The following PIGB variants were observed in gnomAD, a reference collection of about 807,000 sequenced individuals.
PIGB encodes the protein GPI alpha-1,2-mannosyltransferase 3.
Under a neutral mutation model 68.4 loss-of-function variants are expected in PIGB, and 58 were observed. That is an observed-to-expected ratio of 0.85 (90% CI 0.69 to 1.06). The LOEUF is 1.06. Among genes scored for constraint, PIGB ranks in the 50% least tolerant of loss-of-function variants. PIGB has a pLI of 0.00. For missense variants in PIGB, 634 were observed against 655.8 expected, an observed-to-expected ratio of 0.97 and a Z score of 0.36; for synonymous variants, 219 against 220.5, an observed-to-expected ratio of 0.99 and a Z score of 0.06.
In PIGB at chr15:55,329,801, C is replaced by T; in HGVS notation, c.600C>T (p.Leu200=). The change falls in exon 5 of 12, where the codon CTC becomes CTT. Residue 200 remains leucine, a synonymous_variant. Transcript: ENST00000164305. Reference sequence around the variant, plus strand: ...TTACAAACACCATGGAAACTGTTCTCACTATAATTGCTCTTTTCTACTATC... The same window carrying T: ...TTACAAACACCATGGAAACTGTTCTTACTATAATTGCTCTTTTCTACTATC... ...RTLTNTMETV[L]TIIALFYYPL... 6.2e-7 allele frequency: 1 copy of T among 1,605,734 alleles called. No homozygotes were observed. Among genetic ancestry groups the T allele is most frequent in the Non-Finnish European group, 8.5e-7 (1 of 1,172,512 alleles).
At position 55,319,373 on chromosome 15, in the gene PIGB, G is replaced by A; in HGVS notation, c.123G>A (p.Leu41=). 2.6e-6 allele frequency: 4 copies of A among 1,555,358 alleles called. No individual in the cohort carries two copies. Among genetic ancestry groups the A allele is most frequent in the Non-Finnish European group, 3.5e-6 (4 of 1,148,838 alleles). Residue 41 remains leucine, a synonymous_variant, in exon 1 of 12, where the codon TTG becomes TTA. Coordinates refer to ENST00000164305, the MANE Select transcript of PIGB (RefSeq NM_004855.5). ...AGCTGCGAAAGAGAAAGTCTACCTT[G>A]TACTTCAACACCCAGGAGAAGAGCG... ...KIKLRKRKST[L]YFNTQEKSAR...
At chr15:55,320,437 C>T in intron 2 of PIGB, 27 bp downstream of exon 2, 1 of 1,604,532 alleles carries the variant, frequency 6.2e-7, no homozygotes, top group Non-Finnish European at 8.5e-7. Context: ...CTTTTCCAGA[C>T]TATGAGTGTG....
At position 55,339,285 on chromosome 15, in the gene PIGB, G is replaced by C. The variant is rs757412186; in HGVS notation, c.813G>C (p.Leu271Phe). The change falls in exon 7 of 12, where the codon TTG becomes TTC. Residue 271 changes from leucine (L) to phenylalanine (F), a missense_variant. By Grantham distance (22) the Leu-to-Phe change is conservative (BLOSUM62 0). Transcript: ENST00000164305. ...TTTTCAGCTTTGTTACTTTGAGTTT[G>C]TCTCTGATGATTGATCGTATTTTTT... ...FLPVGFVTLS[L>F]SLMIDRIFFG... 6.3e-5 allele frequency: 98 copies of C among 1,552,550 alleles called. No homozygotes were observed. Among genetic ancestry groups the C allele is most frequent in the Non-Finnish European group, 7.6e-5 (87 of 1,147,356 alleles).
Position 55,327,581 on chromosome 15 carries a change from G to C in PIGB, c.468G>C (p.Val156=). 1 of 1,612,376 alleles carries C rather than the reference G, an allele frequency of 6.2e-7. No individual in the cohort carries two copies. The highest frequency in any genetic ancestry group is 1.1e-5 in the South Asian group (1 of 90,708). ...CACTTCTGTCTGCTGTAGCAGATGT[G>C]AGACTTTACTCATTAATGAAGCAAC... is the stretch of plus-strand genomic sequence containing the variant. ...AQALLSAVAD[V]RLYSLMKQLE... is the part of the protein sequence containing the mutation. Residue 156 remains valine, a synonymous_variant, in exon 4 of 12, where the codon GTG becomes GTC. Coordinates refer to ENST00000164305, the MANE Select transcript of PIGB (RefSeq NM_004855.5).
At chr15:55,336,227 T>A (rs1261811322) in intron 6 of PIGB, among the ~76,000 whole-genome samples, 1 of 151,578 alleles carries the variant, frequency 6.6e-6, no homozygotes, top group Non-Finnish European at 1.5e-5. Context: ...ACAAAAAAAT[T>A]TAAAAATTGG....
At chr15:55,340,935 T>A in intron 8 of PIGB, 112 bp downstream of exon 8, 1 of 668,424 alleles carries the variant, frequency 1.5e-6, no homozygotes, top group South Asian at 2.1e-5. Context: ...CTTTTGTTAG[T>A]GGGAATTATC....
chr15:55,334,005 A>T lies in PIGB; in HGVS notation c.792A>T (p.Val264=). ...LDLILHHFLP[V]GFVTLSLSLM... ...TTATTCTACATCATTTTTTACCTGT[A>T]GGGTAAGTGTGGCAATAATCCATCC... Residue 264 remains valine, a splice_region_variant and synonymous_variant, in exon 6 of 12, where the codon GTA becomes GTT. Coordinates refer to ENST00000164305, the MANE Select transcript of PIGB (RefSeq NM_004855.5). 6.9e-6 allele frequency: 11 copies of T among 1,590,748 alleles called. No homozygotes were observed. The highest frequency in any genetic ancestry group is 9.4e-6 in the Non-Finnish European group (11 of 1,168,720).
At chr15:55,340,041 C>T (rs1464162708) in intron 7 of PIGB, 1 of 152,020 alleles carries the variant, frequency 6.6e-6, no homozygotes, top group Non-Finnish European at 1.5e-5. Context: ...CTTAGACTGC[C>T]AAAATATAAG....
intron 3 of PIGB, among the ~76,000 whole-genome samples, chr15:55,326,677 T>C (rs2055294024): frequency 6.6e-6 from 1 of 151,676 alleles, no homozygotes; most frequent in African/African-American, 2.4e-5. Context: ...CCATGCTGGC[T>C]AACATTGTGA....
At position 55,340,782 on chromosome 15, in the gene PIGB, G is replaced by C. The variant is rs770319195; in HGVS notation, c.1017G>C (p.Arg339=). 5 of 1,610,352 alleles carry C rather than the reference G, an allele frequency of 3.1e-6. No homozygotes were observed. Among genetic ancestry groups the C allele is most frequent in the Non-Finnish European group, 4.2e-6 (5 of 1,178,004 alleles). The part of the protein sequence containing the change: ...HGCYLAPKRY[R]ILLVTVLWTL... ...GCTATCTAGCACCAAAGAGATACCGGATACTTTTGGTGACTGTGCTGTGGA... is the reference window on the plus strand; with the variant it reads ...GCTATCTAGCACCAAAGAGATACCGCATACTTTTGGTGACTGTGCTGTGGA... Residue 339 remains arginine, a synonymous_variant, in exon 8 of 12, where the codon CGG becomes CGC. Coordinates refer to ENST00000164305, the MANE Select transcript of PIGB (RefSeq NM_004855.5).
chr15:55,340,900 C>CTT, intron 8 of PIGB, 77 bp downstream of exon 8: 3 of 1,008,006 alleles, frequency 3.0e-6, no homozygotes, highest in Non-Finnish European at 4.3e-6. Context: ...AAAAAGTAAA[C>CTT]TTTATGTTTT....
At position 55,346,084 on chromosome 15, in the gene PIGB, G is replaced by A. The variant is rs555158024; in HGVS notation, c.1123+4282G>A. 2.2e-4 allele frequency among the ~76,000 whole-genome samples: 33 copies of A among 152,206 alleles called. 1 individual carries two copies. In the East Asian group the frequency reaches 3.7e-3, roughly 17 times the overall value. ...AGATACTCCCATCCTCTCTATTACC[G>A]TGAACCTTACCTTGGTAAGAAGGAA... On this transcript the variant is annotated intron_variant, in intron 9 of 11. Coordinates refer to ENST00000164305, the MANE Select transcript of PIGB (RefSeq NM_004855.5).
At chr15:55,321,136 G>A (rs754528817) in intron 2 of PIGB, 137 bp from the exon 3 acceptor site, 2 of 520,816 alleles carry the variant, frequency 3.8e-6, no homozygotes, top group Non-Finnish European at 6.5e-6. Context: ...GAAGTGGTGT[G>A]CACCTGTAGA....
At position 55,350,682 on chromosome 15, in the gene PIGB, T is replaced by A; in HGVS notation, c.1124-17T>A. 6.6e-7 allele frequency: 1 copy of A among 1,521,180 alleles called. No homozygotes were observed. Among genetic ancestry groups the A allele is most frequent in the Non-Finnish European group, 9.1e-7 (1 of 1,100,722 alleles). 94.2% of individuals were successfully genotyped at this position (1,521,180 alleles called of 1,614,324 possible). On this transcript the variant is annotated splice_polypyrimidine_tract_variant and intron_variant, in intron 9 of 11. Coordinates refer to ENST00000164305, the MANE Select transcript of PIGB (RefSeq NM_004855.5). The stretch of plus-strand genomic sequence containing the variant: ...AGATTGTCAGTGTTAAGGTTCAATA[T>A]GTCTATCTTCATATAGGATACTCAT...
intron 9 of PIGB, among the ~76,000 whole-genome samples, chr15:55,344,323 G>C (rs2055741584): frequency 6.6e-6 from 1 of 152,226 alleles, no homozygotes; most frequent in Non-Finnish European, 1.5e-5. Flanking sequence ...CAGCTCTTCT[G>C]AGTTTTCTCT....
In PIGB at chr15:55,333,811, A is replaced by G. The variant is rs2055476263; in HGVS notation, c.654-56A>G. On this transcript the variant is annotated intron_variant, in intron 5 of 11. Transcript: ENST00000164305. ...AAAATGTCAAATCACAGTGTAAATG[A>G]TAGATAACTTCAAGTTAATTTCCCA... is the stretch of plus-strand genomic sequence containing the variant. The G allele has an allele frequency of 4.7e-6, 6 of 1,284,478 alleles. 1 individual carries two copies. The South Asian group carries it at 9.0e-5, about 19-fold the overall frequency. The allele number at this position is 1,284,478 out of a possible 1,614,324, so 79.6% of individuals were successfully genotyped here.
At chr15:55,321,205 C>T in intron 2 of PIGB, 68 bp from the exon 3 acceptor site, 2 of 1,282,634 alleles carry the variant, frequency 1.6e-6, no homozygotes, top group Non-Finnish European at 2.1e-6. Flanking sequence ...GAGACCCCAT[C>T]TTAAAAAAAA....
intron 6 of PIGB, among the ~76,000 whole-genome samples, chr15:55,335,018 C>A (rs2055502941): frequency 6.6e-6 from 1 of 152,206 alleles, no homozygotes; most frequent in Non-Finnish European, 1.5e-5. Context: ...CATGCCCAGC[C>A]TGTTTAGCTA....
chr15:55,339,081 T>C (rs1394837962), intron 6 of PIGB, among the ~76,000 whole-genome samples, 186 bp from the exon 7 acceptor site: 14 of 152,236 alleles, frequency 9.2e-5, no homozygotes, highest in Non-Finnish European at 1.3e-4. Flanking sequence ...TAATCGATTA[T>C]ATAATCTTAT....
Sources: gnomAD v4.1 joint callset for allele counts (sites outside exome capture counted in the v4.1 genomes callset) on GRCh38, gnomAD v4.1.1 for gene constraint, MANE v1.5 for transcripts, NCBI Gene and HGNC (gene_info 2026-07-23, HGNC 2026-07-21) for gene names.